The following MAN1C1 variants were observed in gnomAD, a reference collection of about 807,000 sequenced individuals.
MAN1C1 encodes the protein mannosyl-oligosaccharide 1,2-alpha-mannosidase IC.
In MAN1C1, 49 loss-of-function variants were observed where a neutral mutation model predicts 71.5. The ratio of observed to expected loss-of-function variants is 0.69; its 90% confidence interval spans 0.54 to 0.87. The LOEUF is 0.87. Ranked by LOEUF, MAN1C1 falls within the 40% of genes least tolerant of loss-of-function variation. The pLI is 0.00. For missense variants in MAN1C1, 743 were observed against 835.0 expected (o/e 0.89, Z 1.36); for synonymous variants, 352 against 343.7 (o/e 1.02, Z -0.27).
chr1:25,683,155 C>T (rs1210507787), intron 1 of MAN1C1, among the ~76,000 whole-genome samples: 1 of 152,156 alleles, frequency 6.6e-6, no homozygotes, highest in African/African-American at 2.4e-5. Context: ...GTATTACCCA[C>T]GGCACACATC....
chr1:25,677,509 AG>A (rs1214121896), intron 1 of MAN1C1, among the ~76,000 whole-genome samples: 2 of 152,048 alleles, frequency 1.3e-5, no homozygotes, highest in Non-Finnish European at 2.9e-5. Context: ...TTTGGTGCAT[AG>A]TTCTCATGTT....
intron 2 of MAN1C1, among the ~76,000 whole-genome samples, chr1:25,703,079 A>G (rs2046468418): frequency 6.6e-6 from 1 of 152,238 alleles, no homozygotes; most frequent in African/African-American, 2.4e-5. Flanking sequence ...AGGGATCTGC[A>G]TTAAAAATAG....
intron 1 of MAN1C1, among the ~76,000 whole-genome samples, chr1:25,682,904 G>T (rs771593661): frequency 6.6e-6 from 1 of 152,056 alleles, no homozygotes; most frequent in Non-Finnish European, 1.5e-5. Context: ...TGAGCGTGGT[G>T]GCACGTGTCT....
At chr1:25,748,957 G>A (rs1179486308) in intron 3 of MAN1C1, among the ~76,000 whole-genome samples, 2 of 152,174 alleles carry the variant, frequency 1.3e-5, no homozygotes, top group Admixed American at 6.5e-5. Flanking sequence ...CAGCTCTCCC[G>A]GCAGGTTCTG....
At chr1:25,664,212 AC>A (rs922804001) in intron 1 of MAN1C1, among the ~76,000 whole-genome samples, 1 of 149,526 alleles carries the variant, frequency 6.7e-6, no homozygotes, top group Non-Finnish European at 1.5e-5. Flanking sequence ...GCTCATTACC[AC>A]CCCAAAAAGT....
intron 2 of MAN1C1, among the ~76,000 whole-genome samples, chr1:25,741,084 G>T (rs1170378129): frequency 6.6e-6 from 1 of 152,010 alleles, no homozygotes; most frequent in South Asian, 2.1e-4. Flanking sequence ...CATGGGATTG[G>T]CTTTCAGACA....
chr1:25,750,839 C>T (rs116079508), intron 4 of MAN1C1, among the ~76,000 whole-genome samples: 2,221 of 152,212 alleles, frequency 0.015, 37 homozygotes, highest in Non-Finnish European at 0.021. Context: ...CCTACTTGGC[C>T]GTGGTCAGTG....
chr1:25,659,398 TC>T (rs1175508599), intron 1 of MAN1C1, among the ~76,000 whole-genome samples: 1 of 152,180 alleles, frequency 6.6e-6, no homozygotes, highest in Non-Finnish European at 1.5e-5. Context: ...ATTACATACT[TC>T]CTTATGTAAA....
chr1:25,747,593 A>C lies in MAN1C1; in HGVS notation c.753+810A>C, dbSNP rs56831714. Among the ~76,000 whole-genome samples the C allele has an allele frequency of 8.9e-3, 1,360 of 152,274 alleles. 26 individuals carry two copies. The highest frequency in any genetic ancestry group is 0.03 in the African/African-American group (1,235 of 41,556). ...AGACAGGTCTGGGGCTGGTTCCTGC[A>C]GCTCCTGGCAGCAGCGAGGACCCTG... On this transcript the variant is annotated intron_variant, in intron 3 of 11. Transcript: ENST00000374332.
intron 9 of MAN1C1, among the ~76,000 whole-genome samples, chr1:25,780,514 A>G (rs188247447): frequency 2.0e-5 from 3 of 152,322 alleles, no homozygotes; most frequent in Admixed American, 6.5e-5. Flanking sequence ...GATCTGATAA[A>G]TCCTGCAGAT....
intron 1 of MAN1C1, among the ~76,000 whole-genome samples, chr1:25,624,705 A>T (rs1266550458): frequency 3.3e-5 from 5 of 152,204 alleles, no homozygotes; most frequent in Non-Finnish European, 7.3e-5. Flanking sequence ...TTGTCACTAA[A>T]TAGCAACCAT....
intron 1 of MAN1C1, among the ~76,000 whole-genome samples, chr1:25,621,457 G>A (rs1254645971): frequency 1.3e-5 from 2 of 152,180 alleles, no homozygotes; most frequent in Non-Finnish European, 2.9e-5. Context: ...GGAAATGGGG[G>A]ATGTCATTCA....
chr1:25,684,862 G>T (rs1462248050), intron 1 of MAN1C1, among the ~76,000 whole-genome samples: 3 of 152,246 alleles, frequency 2.0e-5, no homozygotes, highest in South Asian at 4.1e-4. Flanking sequence ...TAACAGATTG[G>T]TGCTTCTCAC....
chr1:25,747,672 A>G (rs1389121136), intron 3 of MAN1C1, among the ~76,000 whole-genome samples: 7 of 152,152 alleles, frequency 4.6e-5, no homozygotes. Context: ...AGAGTCTGGG[A>G]GAGCCTGGGA....
Position 25,783,774 on chromosome 1 carries a change from C to T in MAN1C1, c.1878C>T (p.Ala626=). 6.2e-7 allele frequency: 1 copy of T among 1,611,466 alleles called. No individual in the cohort carries two copies. Among genetic ancestry groups the T allele is most frequent in the Non-Finnish European group, 8.5e-7 (1 of 1,179,982 alleles). Residue 626 remains alanine (A), a synonymous_variant, in exon 12 of 12, where the codon GCC becomes GCT. Coordinates refer to ENST00000374332, the MANE Select transcript of MAN1C1 (RefSeq NM_020379.4). ...ACCACTCAGACAGCTCCGGCAGAGC[C>T]TGGGGCAGACACTGACCCCATCTCC... ...PVNHSDSSGR[A]WGRH
At chr1:25,722,880 G>A (rs546259928) in intron 2 of MAN1C1, among the ~76,000 whole-genome samples, 1 of 152,142 alleles carries the variant, frequency 6.6e-6, no homozygotes, top group Non-Finnish European at 1.5e-5. Flanking sequence ...CAATATAGGT[G>A]TTTGTTCTCT....
At chr1:25,771,567 G>T in intron 7 of MAN1C1, 90 bp from the exon 8 acceptor site, 1 of 924,890 alleles carries the variant, frequency 1.1e-6, no homozygotes, top group Non-Finnish European at 1.7e-6. Flanking sequence ...CAGGCACCGG[G>T]CCCCTGAGGT....
chr1:25,765,490 G>A (rs2047415818), intron 7 of MAN1C1, among the ~76,000 whole-genome samples: 1 of 152,202 alleles, frequency 6.6e-6, no homozygotes, highest in African/African-American at 2.4e-5. Context: ...CATCAGCAAG[G>A]GCTCAGGGGC....
intron 1 of MAN1C1, among the ~76,000 whole-genome samples, chr1:25,657,047 G>A (rs1326517150): frequency 1.3e-5 from 2 of 152,192 alleles, no homozygotes; most frequent in South Asian, 2.1e-4. Flanking sequence ...GGATGGTCTC[G>A]ATCTCCTGAC....
Sources: gnomAD v4.1 joint callset for allele counts (sites outside exome capture counted in the v4.1 genomes callset) on GRCh38, gnomAD v4.1.1 for gene constraint, MANE v1.5 for transcripts, NCBI Gene and HGNC (gene_info 2026-07-23, HGNC 2026-07-21) for gene names.